Variants in CACHD1 observed in about 807,000 individuals in gnomAD.
CACHD1 encodes VWFA and cache domain-containing protein 1.
CACHD1 carries 71 observed loss-of-function variants against 138.7 expected under a neutral mutation model. The observed-to-expected ratio is 0.51, with a 90% CI of 0.42 to 0.62. The LOEUF (loss-of-function observed/expected upper bound fraction) is 0.62. Among genes scored for constraint, CACHD1 ranks in the 20% least tolerant of loss-of-function variants. CACHD1 has a pLI of 0.00. For synonymous variants in CACHD1, 578 were observed against 591.5 expected, an observed-to-expected ratio of 0.98 and a Z score of 0.33; for missense variants, 1,389 against 1,625.3, an observed-to-expected ratio of 0.85 and a Z score of 2.50.
At chr1:64,649,490 AGCTTACATT>A (rs1649019273) in intron 9 of CACHD1, among the ~76,000 whole-genome samples, 1 of 152,214 alleles carries the variant, frequency 6.6e-6, no homozygotes, top group East Asian at 1.9e-4. Flanking sequence ...TTATGCATGT[AGCTTACATT>A]ACTGAGTGCC....
intron 1 of CACHD1, among the ~76,000 whole-genome samples, chr1:64,514,611 C>G (rs1011721182): frequency 2.6e-5 from 4 of 152,116 alleles, no homozygotes; most frequent in Admixed American, 2.6e-4. Context: ...TGGTATTTAC[C>G]ACAGCAGCAA....
At position 64,505,622 on chromosome 1, in the gene CACHD1, TCCTC is replaced by T. The variant is rs1408280192; in HGVS notation, c.198+34683_198+34686del. Among the ~76,000 whole-genome samples the T allele has an allele frequency of 3.4e-3, 385 of 114,696 alleles. 9 individuals carry two copies. The highest frequency in any genetic ancestry group is 0.012 in the African/African-American group (365 of 29,282). 75.2% of individuals were successfully genotyped at this position (114,696 alleles called of 152,430 possible). On this transcript the variant is annotated intron_variant, in intron 1 of 26. Coordinates refer to ENST00000651257, the MANE Select transcript of CACHD1 (RefSeq NM_020925.4). Reference sequence around the variant, plus strand: ...CCCTGGGCACACCCTATGCCGCCGTTCCTCCCCCTCCCTGGGCGAACCCCAACAC... The same window carrying T: ...CCCTGGGCACACCCTATGCCGCCGTTCCCCTCCCTGGGCGAACCCCAACAC...
chr1:64,671,997 A>G (rs1182472780), intron 17 of CACHD1, among the ~76,000 whole-genome samples: 1 of 152,218 alleles, frequency 6.6e-6, no homozygotes, highest in Non-Finnish European at 1.5e-5. Flanking sequence ...TAGAAAGACC[A>G]GAGAGGACTC....
chr1:64,541,801 C>T (rs988948529), intron 1 of CACHD1, among the ~76,000 whole-genome samples: 2 of 152,194 alleles, frequency 1.3e-5, no homozygotes, highest in Admixed American at 6.5e-5. Context: ...CACTGCACTC[C>T]ATCCACCTGG....
chr1:64,663,267 C>G (rs961667928), intron 13 of CACHD1, among the ~76,000 whole-genome samples: 15 of 145,724 alleles, frequency 1.0e-4, no homozygotes, highest in Admixed American at 9.6e-4. Flanking sequence ...AGATATTAAG[C>G]CGCCGCCGGG....
At chr1:64,472,792 G>A (rs907628794) in intron 1 of CACHD1, among the ~76,000 whole-genome samples, 2 of 152,162 alleles carry the variant, frequency 1.3e-5, no homozygotes, top group Non-Finnish European at 2.9e-5. Context: ...TGTAGGATTT[G>A]TAGGCACTTG....
At chr1:64,565,347 CT>C (rs1226440865) in intron 2 of CACHD1, among the ~76,000 whole-genome samples, 3 of 152,044 alleles carry the variant, frequency 2.0e-5, no homozygotes, top group Admixed American at 6.6e-5. Context: ...GGCACTAAAT[CT>C]GTAGGAAGGC....
intron 2 of CACHD1, among the ~76,000 whole-genome samples, chr1:64,558,046 C>T (rs542830420): frequency 2.0e-4 from 30 of 152,258 alleles, no homozygotes; most frequent in Non-Finnish European, 3.7e-4. Flanking sequence ...ATCCACCCAC[C>T]TCGGCCTCCC....
At chr1:64,586,830 GT>G (rs558022394) in intron 3 of CACHD1, among the ~76,000 whole-genome samples, 46 of 152,238 alleles carry the variant, frequency 3.0e-4, no homozygotes, top group Admixed American at 2.1e-3. Flanking sequence ...GTGACCAAAT[GT>G]TTGAAAGTGA....
chr1:64,525,362 T>G (rs1290077413), intron 1 of CACHD1, among the ~76,000 whole-genome samples: 1 of 152,178 alleles, frequency 6.6e-6, no homozygotes, highest in Admixed American at 6.5e-5. Context: ...AAATGTCAAC[T>G]TGATATTTAC....
intron 4 of CACHD1, among the ~76,000 whole-genome samples, chr1:64,610,584 C>A (rs1190866317): frequency 6.6e-6 from 1 of 152,182 alleles, no homozygotes; most frequent in Admixed American, 6.5e-5. Flanking sequence ...CTAGATGTCC[C>A]ACATCCAGGG....
chr1:64,665,880 T>C (rs1180601316), intron 15 of CACHD1, among the ~76,000 whole-genome samples, 177 bp from the exon 16 acceptor site: 1 of 152,118 alleles, frequency 6.6e-6, no homozygotes, highest in Non-Finnish European at 1.5e-5. Context: ...GGCGGGTGCC[T>C]GTAGTCCCAG....
chr1:64,631,394 G>T (rs1239675171), intron 5 of CACHD1, among the ~76,000 whole-genome samples: 1 of 152,112 alleles, frequency 6.6e-6, no homozygotes, highest in Admixed American at 6.6e-5. Context: ...TGGCTCAATG[G>T]TATCGACTCA....
At chr1:64,628,362 G>A (rs946852832) in intron 4 of CACHD1, among the ~76,000 whole-genome samples, 16 of 151,920 alleles carry the variant, frequency 1.1e-4, no homozygotes, top group Non-Finnish European at 2.2e-4. Flanking sequence ...GGCTTGTTTT[G>A]TGCTCGTCTT....
At chr1:64,558,958 C>A (rs1459909880) in intron 2 of CACHD1, among the ~76,000 whole-genome samples, 2 of 152,160 alleles carry the variant, frequency 1.3e-5, no homozygotes, top group East Asian at 1.9e-4. Flanking sequence ...CCATCTCACA[C>A]CAGTCAGAAT....
chr1:64,500,324 G>A (rs1309337762), intron 1 of CACHD1, among the ~76,000 whole-genome samples: 1 of 152,202 alleles, frequency 6.6e-6, no homozygotes, highest in Non-Finnish European at 1.5e-5. Context: ...TCATTTGCCA[G>A]TAGTGTTTGG....
At chr1:64,643,026 A>G in intron 8 of CACHD1, among the ~76,000 whole-genome samples, 1 of 111,460 alleles carries the variant, frequency 9.0e-6, no homozygotes, top group Non-Finnish European at 1.7e-5. Flanking sequence ...TGACAGAGCA[A>G]GACTCTGTCT....
chr1:64,669,852 A>G (rs1455065332), intron 16 of CACHD1, among the ~76,000 whole-genome samples: 3 of 152,186 alleles, frequency 2.0e-5, no homozygotes, highest in Non-Finnish European at 2.9e-5. Context: ...ATACAAGAGA[A>G]GTTTAGAAAT....
rs761152853 is a variant in CACHD1, at chr1:64,654,800, G to T, written c.1779G>T (p.Lys593Asn). ...KEAYNVSYAW[K>N]MVQDTSFILC... Reference sequence around the variant, plus strand: ...CCTACAATGTTAGCTATGCCTGGAAGATGGTGAGTGAGAGGAAGTTGTGTT... The same window carrying T: ...CCTACAATGTTAGCTATGCCTGGAATATGGTGAGTGAGAGGAAGTTGTGTT... Residue 593 changes from lysine (K) to asparagine (N), a missense_variant, in exon 12 of 27, where the codon AAG (lysine) becomes AAT (asparagine). Physicochemically the swap from Lys to Asn is moderately conservative, Grantham distance 94. Coordinates refer to ENST00000651257, the MANE Select transcript of CACHD1 (RefSeq NM_020925.4). 6.2e-7 allele frequency: 1 copy of T among 1,602,456 alleles called. No individual in the cohort carries two copies. The highest frequency in any genetic ancestry group is 8.6e-7 in the Non-Finnish European group (1 of 1,169,482).
Sources: gnomAD v4.1 joint callset for allele counts (sites outside exome capture counted in the v4.1 genomes callset) on GRCh38, gnomAD v4.1.1 for gene constraint, MANE v1.5 for transcripts, NCBI Gene and HGNC (gene_info 2026-07-23, HGNC 2026-07-21) for gene names.